The following ADGRL3 variants were observed in gnomAD, a reference collection of about 807,000 sequenced individuals.
ADGRL3 encodes calcium-independent alpha-latrotoxin receptor 3.
Under a neutral mutation model 153.5 loss-of-function variants are expected in ADGRL3, and 62 were observed. The ratio of observed to expected loss-of-function variants is 0.40; its 90% CI spans 0.33 to 0.50. ADGRL3 has a LOEUF of 0.50. ADGRL3 is among the 20% of genes least tolerant of loss of function. The probability of loss-of-function intolerance (pLI) is 0.47; values close to 1 mark genes in which losing one functional copy is unlikely to be tolerated. For synonymous variants in ADGRL3, 710 were observed against 672.5 expected (o/e 1.06, Z -0.86); for missense variants, 1,641 against 1,859.4 (o/e 0.88, Z 2.16).
intron 1 of ADGRL3, among the ~76,000 whole-genome samples, chr4:61,304,885 A>T (rs1442612975): frequency 6.6e-6 from 1 of 152,204 alleles, no homozygotes; most frequent in East Asian, 1.9e-4. Flanking sequence ...AATCACCTAA[A>T]GTGATTCTGA....
At chr4:61,900,066 G>T (rs1010451930) in intron 11 of ADGRL3, among the ~76,000 whole-genome samples, 1 of 152,150 alleles carries the variant, frequency 6.6e-6, no homozygotes, top group Non-Finnish European at 1.5e-5. Context: ...AAAGAGCACT[G>T]ACTTGAGGAT....
chr4:61,563,295 A>G (rs1157612656), intron 4 of ADGRL3, among the ~76,000 whole-genome samples: 4 of 152,098 alleles, frequency 2.6e-5, no homozygotes, highest in Non-Finnish European at 1.5e-5. Context: ...GGTCTCAACA[A>G]TTTGCCTAAA....
chr4:61,327,119 G>A (rs554526399), intron 1 of ADGRL3, among the ~76,000 whole-genome samples: 168 of 152,022 alleles, frequency 1.1e-3, no homozygotes, highest in Non-Finnish European at 2.1e-3. Context: ...TTCACTTTGA[G>A]TTCGTTTTAC....
intron 19 of ADGRL3, among the ~76,000 whole-genome samples, chr4:61,987,190 A>C (rs530490773): frequency 3.7e-4 from 54 of 144,252 alleles, no homozygotes; most frequent in East Asian, 2.4e-3. Context: ...TTTGAGATGG[A>C]GTTTCACTCT....
intron 8 of ADGRL3, among the ~76,000 whole-genome samples, chr4:61,743,343 A>AAAAG (rs1561160937): frequency 1.3e-5 from 2 of 149,456 alleles, no homozygotes; most frequent in African/African-American, 2.5e-5. Context: ...AAAAAAAAAA[A>AAAAG]AAAGAAAAGA....
At chr4:61,784,073 T>C (rs2152397349) in intron 8 of ADGRL3, among the ~76,000 whole-genome samples, 1 of 152,214 alleles carries the variant, frequency 6.6e-6, no homozygotes, top group South Asian at 2.1e-4. Flanking sequence ...TAGAAAGTAG[T>C]CTTATGAGAA....
chr4:61,760,171 A>G (rs1378496731), intron 8 of ADGRL3, among the ~76,000 whole-genome samples: 6 of 152,176 alleles, frequency 3.9e-5, no homozygotes, highest in Admixed American at 2.0e-4. Flanking sequence ...GAGAACCACT[A>G]TTCTCTTCAA....
At chr4:61,774,289 G>A (rs1220823358) in intron 8 of ADGRL3, among the ~76,000 whole-genome samples, 4 of 150,386 alleles carry the variant, frequency 2.7e-5, no homozygotes, top group Non-Finnish European at 5.9e-5. Context: ...CCTGGGAGGC[G>A]GAGGTTGCAG....
chr4:61,879,655 A>G (rs2098497806), intron 9 of ADGRL3, among the ~76,000 whole-genome samples: 1 of 152,146 alleles, frequency 6.6e-6, no homozygotes, highest in Non-Finnish European at 1.5e-5. Context: ...CCATATTCTT[A>G]AAAAGAAAAC....
At chr4:61,326,469 A>G (rs2095467764) in intron 1 of ADGRL3, among the ~76,000 whole-genome samples, 1 of 151,940 alleles carries the variant, frequency 6.6e-6, no homozygotes, top group South Asian at 2.1e-4. Context: ...TACCCCTAAT[A>G]GTAGCTACAA....
chr4:61,388,306 C>CGTAAGTG (rs1366506042), intron 2 of ADGRL3, among the ~76,000 whole-genome samples: 9 of 152,058 alleles, frequency 5.9e-5, no homozygotes, highest in Non-Finnish European at 1.2e-4. Context: ...TTAAGGACTA[C>CGTAAGTG]GTAAGTGTTT....
intron 4 of ADGRL3, among the ~76,000 whole-genome samples, chr4:61,525,737 A>G (rs1003522077): frequency 2.0e-5 from 3 of 152,090 alleles, no homozygotes; most frequent in Non-Finnish European, 2.9e-5. Flanking sequence ...TGGATGCAAG[A>G]GGTGAGGTCG....
chr4:62,063,655 T>A, intron 25 of ADGRL3: 1 of 658,346 alleles, frequency 1.5e-6, no homozygotes, highest in Middle Eastern at 2.4e-4. Context: ...TTTATCTTAA[T>A]TTTTTCAAGT....
intron 1 of ADGRL3, among the ~76,000 whole-genome samples, chr4:61,340,346 C>T (rs1054164825): frequency 6.6e-6 from 1 of 152,070 alleles, no homozygotes; most frequent in Non-Finnish European, 1.5e-5. Flanking sequence ...ATCTTCCATG[C>T]TTTTCTCTAT....
Position 62,073,561 on chromosome 4 carries a change from C to CT in ADGRL3, c.*2654dup, listed in dbSNP as rs1337984793. ...AACAGTAACCTACATGAAAGCAACT[C>CT]TATCAGTAAGAAGCTGGTTTCACAG... On this transcript the variant is annotated 3_prime_UTR_variant, in exon 27 of 27. Coordinates refer to ENST00000683033, the MANE Select transcript of ADGRL3 (RefSeq NM_001387552.1). 7 of 152,130 alleles carry CT rather than the reference C, an allele frequency of 4.6e-5. No individual in the cohort carries two copies. Among genetic ancestry groups the CT allele is most frequent in the Admixed American group, 3.9e-4 (6 of 15,258 alleles). 9.4% of individuals were successfully genotyped at this position (152,130 alleles called of 1,614,324 possible).
intron 8 of ADGRL3, among the ~76,000 whole-genome samples, chr4:61,798,385 G>T (rs968377307): frequency 6.6e-6 from 1 of 152,064 alleles, no homozygotes; most frequent in Non-Finnish European, 1.5e-5. Context: ...GTGCATGTGT[G>T]TCTGTGTGTG....
At chr4:62,034,864 G>A (rs564735327) in intron 23 of ADGRL3, among the ~76,000 whole-genome samples, 32 of 151,782 alleles carry the variant, frequency 2.1e-4, no homozygotes, top group African/African-American at 7.7e-4. Flanking sequence ...TATATTCCCA[G>A]AGCTTCCACA....
intron 1 of ADGRL3, among the ~76,000 whole-genome samples, chr4:61,381,334 T>TGTGTGTGTGTGTGTGTG (rs1560548329): frequency 6.8e-6 from 1 of 146,838 alleles, no homozygotes; most frequent in African/African-American, 2.5e-5. Context: ...TGTGTGTGTG[T>TGTGTGTGTGTGTGTGTG]TTAATTAAGA....
At chr4:61,348,158 C>A (rs557702253) in intron 1 of ADGRL3, among the ~76,000 whole-genome samples, 15 of 152,040 alleles carry the variant, frequency 9.9e-5, no homozygotes, top group African/African-American at 2.9e-4. Flanking sequence ...TCAAATCAAA[C>A]CCCCAAACCC....
Sources: allele counts gnomAD v4.1 joint callset (sites outside exome capture counted in the v4.1 genomes callset), GRCh38; gene constraint gnomAD v4.1.1; transcripts MANE v1.5; gene names NCBI Gene and HGNC (gene_info 2026-07-23, HGNC 2026-07-21).